Variants in PDE4D observed in about 807,000 individuals in gnomAD.
PDE4D encodes the protein phosphodiesterase 4D.
In PDE4D, 24 loss-of-function variants were observed where a neutral mutation model predicts 87.4. That is an observed-to-expected ratio of 0.27 (90% CI 0.20 to 0.39). The LOEUF (loss-of-function observed/expected upper bound fraction) is 0.39, where lower values mean the gene tolerates loss of function less well. Among genes scored for constraint, PDE4D ranks in the 10% least tolerant of loss-of-function variants. The pLI is 1.00. For missense variants in PDE4D, 714 were observed against 1,041.0 expected, an observed-to-expected ratio of 0.69 and a Z score of 4.32; for synonymous variants, 384 against 383.2, an observed-to-expected ratio of 1.00 and a Z score of -0.02.
At chr5:59,456,137 T>C (rs1799891586) in intron 1 of PDE4D, among the ~76,000 whole-genome samples, 1 of 152,120 alleles carries the variant, frequency 6.6e-6, no homozygotes, top group Admixed American at 6.5e-5. Context: ...AATGTGAGGA[T>C]ATGAGATTTG....
intron 1 of PDE4D, among the ~76,000 whole-genome samples, chr5:59,745,780 A>T (rs60358122): frequency 0.03 from 4,576 of 152,284 alleles, 228 homozygotes; most frequent in African/African-American, 0.1. Context: ...AAATGTTTGC[A>T]CATGTTGCTT....
intron 1 of PDE4D, among the ~76,000 whole-genome samples, chr5:59,887,942 T>C (rs1181406239): frequency 1.3e-5 from 2 of 152,196 alleles, no homozygotes; most frequent in Admixed American, 6.5e-5. Flanking sequence ...ATGTGTAAAA[T>C]GTAAAGTAAT....
intron 1 of PDE4D, among the ~76,000 whole-genome samples, chr5:59,821,276 A>AC (rs70975338): frequency 1.7e-4 from 26 of 149,660 alleles, no homozygotes; most frequent in African/African-American, 4.6e-4. Context: ...AACAACAACA[A>AC]AAGAAAAAGA....
At chr5:59,946,305 A>T (rs1757718153) in intron 3 of PDE4D, among the ~76,000 whole-genome samples, 1 of 152,210 alleles carries the variant, frequency 6.6e-6, no homozygotes, top group South Asian at 2.1e-4. Flanking sequence ...ACCACAGACA[A>T]TGACAGACAT....
At chr5:59,662,544 C>T (rs867609242) in intron 1 of PDE4D, among the ~76,000 whole-genome samples, 2 of 152,260 alleles carry the variant, frequency 1.3e-5, no homozygotes, top group Middle Eastern at 3.4e-3. Flanking sequence ...AAAATGAAAT[C>T]TCATGAGAAT....
rs78313009 is a variant in PDE4D at position 59,905,263 on chromosome 5, G to C, written c.272+83225C>G. 3.9e-3 allele frequency among the ~76,000 whole-genome samples: 593 copies of C among 152,244 alleles called. 15 individuals are homozygous for C. In the East Asian group the frequency reaches 0.09, roughly 23 times the overall value. On this transcript the variant is annotated intron_variant, in intron 3 of 16. Coordinates refer to the PDE4D transcript ENST00000502484. Reference sequence around the variant, plus strand: ...ATCTCATTTTTGAACACAGTGAATTGTTCAGAATGCTTTGTGGAGCGTGGC... The same window carrying C: ...ATCTCATTTTTGAACACAGTGAATTCTTCAGAATGCTTTGTGGAGCGTGGC...
intron 1 of PDE4D, among the ~76,000 whole-genome samples, chr5:59,380,085 T>G (rs60958690): frequency 0.05 from 7,688 of 152,280 alleles, 286 homozygotes; most frequent in South Asian, 0.16. Flanking sequence ...CTTCTGCTGA[T>G]TTTTAAGCAT....
At chr5:59,023,178 GA>G (rs746740485) in intron 6 of PDE4D, among the ~76,000 whole-genome samples, 138 of 136,242 alleles carry the variant, frequency 1.0e-3, no homozygotes, top group Middle Eastern at 3.8e-3. Flanking sequence ...CTAACTCAAG[GA>G]AAAAAAAAAA....
intron 1 of PDE4D, among the ~76,000 whole-genome samples, chr5:60,300,753 G>A (rs538650551): frequency 2.0e-5 from 3 of 151,658 alleles, no homozygotes; most frequent in Non-Finnish European, 4.4e-5. Context: ...CTTCCATTGG[G>A]CTATGTATCT....
At chr5:59,671,343 A>G (rs1747165344) in intron 1 of PDE4D, among the ~76,000 whole-genome samples, 1 of 152,180 alleles carries the variant, frequency 6.6e-6, no homozygotes, top group Admixed American at 6.5e-5. Context: ...AGGAAGGATA[A>G]CTCCTGTTTG....
At chr5:60,468,130 C>CTTT (rs370784270) in intron 1 of PDE4D, among the ~76,000 whole-genome samples, 9 of 126,206 alleles carry the variant, frequency 7.1e-5, no homozygotes, top group East Asian at 2.8e-4. Context: ...AACTTTCTTT[C>CTTT]TTTTTTCTTT....
chr5:59,910,644 A>C (rs1369173914), intron 3 of PDE4D, among the ~76,000 whole-genome samples: 2 of 152,228 alleles, frequency 1.3e-5, no homozygotes, highest in African/African-American at 4.8e-5. Context: ...GCACAATCAA[A>C]AAGTGCCTCA....
intron 1 of PDE4D, among the ~76,000 whole-genome samples, chr5:59,707,802 T>C (rs149618425): frequency 0.014 from 2,086 of 152,298 alleles, 50 homozygotes; most frequent in African/African-American, 0.048. Flanking sequence ...TTCCTTTTTA[T>C]GGCTGCATGG....
chr5:59,962,051 T>C (rs1759529306), intron 3 of PDE4D, among the ~76,000 whole-genome samples: 1 of 151,858 alleles, frequency 6.6e-6, no homozygotes, highest in Non-Finnish European at 1.5e-5. Flanking sequence ...TTATCCTTAA[T>C]TTTTTTAGAT....
In PDE4D at chr5:59,984,246, A is replaced by AG. The variant is rs1561943195; in HGVS notation, c.272+4241_272+4242insC. ...TTAATAAAAAGATTTTATGAAAGGT[A>AG]ATAGAAAATTATTTAGGAGGAAAAT... On this transcript the variant is annotated intron_variant, in intron 3 of 16. Coordinates refer to the PDE4D transcript ENST00000502484. Among the ~76,000 whole-genome samples the AG allele has an allele frequency of 2.0e-5, 3 of 151,680 alleles. No homozygotes were observed. In the East Asian group the frequency reaches 5.8e-4, roughly 29 times the overall value.
At chr5:60,253,440 T>C (rs1331825684) in intron 1 of PDE4D, among the ~76,000 whole-genome samples, 1 of 151,888 alleles carries the variant, frequency 6.6e-6, no homozygotes, top group Non-Finnish European at 1.5e-5. Context: ...AGGCCACTTC[T>C]CTTGACTGGC....
chr5:60,136,698 C>T (rs1232058591), intron 2 of PDE4D, among the ~76,000 whole-genome samples: 2 of 152,152 alleles, frequency 1.3e-5, no homozygotes, highest in Non-Finnish European at 2.9e-5. Flanking sequence ...CCATTCTTTT[C>T]TTATTCCTTG....
At chr5:60,514,187 A>G (rs1750695337) in intron 1 of PDE4D, among the ~76,000 whole-genome samples, 1 of 152,060 alleles carries the variant, frequency 6.6e-6, no homozygotes. Flanking sequence ...CAGATATATT[A>G]AAATTATATT....
At chr5:59,204,942 C>T (rs1274252992) in intron 2 of PDE4D, among the ~76,000 whole-genome samples, 1 of 152,192 alleles carries the variant, frequency 6.6e-6, no homozygotes, top group East Asian at 1.9e-4. Context: ...TTTATGAATG[C>T]CTACTAGGCA....
Sources: gnomAD v4.1 joint callset for allele counts (sites outside exome capture counted in the v4.1 genomes callset) on GRCh38, gnomAD v4.1.1 for gene constraint, MANE v1.5 for transcripts, NCBI Gene and HGNC (gene_info 2026-07-23, HGNC 2026-07-21) for gene names.